Variants in DGKG observed in about 807,000 individuals in gnomAD.
DGKG encodes DAG kinase gamma.
In DGKG, 78 loss-of-function variants were observed where a neutral mutation model predicts 105.3. That is an observed-to-expected ratio of 0.74 (90% CI 0.62 to 0.89). The LOEUF is 0.89. DGKG is among the 40% of genes least tolerant of loss of function. The probability of loss-of-function intolerance (pLI) is 0.00; values close to 1 mark genes in which losing one functional copy is unlikely to be tolerated. For synonymous variants in DGKG, 346 were observed against 367.1 expected, an observed-to-expected ratio of 0.94 and a Z score of 0.66; for missense variants, 958 against 1,020.1, an observed-to-expected ratio of 0.94 and a Z score of 0.83.
intron 5 of DGKG, among the ~76,000 whole-genome samples, chr3:186,296,707 G>C (rs1723581480): frequency 6.6e-6 from 1 of 152,206 alleles, no homozygotes; most frequent in South Asian, 2.1e-4. Flanking sequence ...GACTGCAGGA[G>C]TTTTGAGGTT....
chr3:186,356,992 A>C (rs1355875278), intron 1 of DGKG, among the ~76,000 whole-genome samples: 2 of 152,128 alleles, frequency 1.3e-5, no homozygotes, highest in African/African-American at 4.8e-5. Context: ...CTTTCCTCGC[A>C]GAGGCTCATG....
intron 10 of DGKG, among the ~76,000 whole-genome samples, chr3:186,274,811 A>G (rs1722501180): frequency 6.6e-6 from 1 of 151,968 alleles, no homozygotes; most frequent in African/African-American, 2.4e-5. Flanking sequence ...GGTTGGTTCT[A>G]AGTCTTTGCT....
chr3:186,265,889 C>G (rs777200245), intron 13 of DGKG, among the ~76,000 whole-genome samples: 13 of 151,962 alleles, frequency 8.6e-5, no homozygotes, highest in Non-Finnish European at 1.9e-4. Flanking sequence ...CCAGGATGGT[C>G]TCGATCCCTT....
At chr3:186,254,150 T>C (rs1299647228) in intron 17 of DGKG, among the ~76,000 whole-genome samples, 1 of 152,024 alleles carries the variant, frequency 6.6e-6, no homozygotes, top group Non-Finnish European at 1.5e-5. Flanking sequence ...CCATCAGTCT[T>C]GGGGGTGGGT....
intron 22 of DGKG, among the ~76,000 whole-genome samples, chr3:186,170,969 T>A (rs1490381191): frequency 6.6e-6 from 1 of 152,224 alleles, no homozygotes. Flanking sequence ...TTTGGGAACA[T>A]CTGGAAGCCA....
intron 22 of DGKG, among the ~76,000 whole-genome samples, chr3:186,187,630 A>G (rs1003292931): frequency 6.6e-6 from 1 of 152,196 alleles, no homozygotes; most frequent in Admixed American, 6.5e-5. Flanking sequence ...GAGTAAGCAC[A>G]TGGTATTTAA....
intron 5 of DGKG, among the ~76,000 whole-genome samples, chr3:186,289,890 A>G (rs958234353): frequency 1.2e-4 from 18 of 152,314 alleles, no homozygotes; most frequent in African/African-American, 4.3e-4. Flanking sequence ...ATAACCAAGC[A>G]ATGGGAGTGA....
chr3:186,290,991 A>C (rs139416093), intron 5 of DGKG, among the ~76,000 whole-genome samples: 259 of 152,368 alleles, frequency 1.7e-3, no homozygotes, highest in Non-Finnish European at 2.8e-3. Flanking sequence ...TCATTGATAG[A>C]GTATTCAGAA....
intron 20 of DGKG, among the ~76,000 whole-genome samples, chr3:186,240,551 T>A (rs1051282708): frequency 6.6e-6 from 1 of 152,202 alleles, no homozygotes; most frequent in African/African-American, 2.4e-5. Flanking sequence ...GGCTCAAGTC[T>A]GTAATCCCAG....
At chr3:186,328,326 T>G (rs930775897) in intron 1 of DGKG, among the ~76,000 whole-genome samples, 78 of 152,164 alleles carry the variant, frequency 5.1e-4, no homozygotes, top group Non-Finnish European at 8.5e-4. Context: ...CTATTAATAA[T>G]TAACATACAA....
intron 5 of DGKG, among the ~76,000 whole-genome samples, chr3:186,296,166 A>T (rs1723553286): frequency 6.6e-6 from 1 of 151,906 alleles, no homozygotes; most frequent in African/African-American, 2.4e-5. Flanking sequence ...GGCCTGAATA[A>T]TAAATGCTAA....
At chr3:186,267,365 G>A (rs920254368) in intron 13 of DGKG, among the ~76,000 whole-genome samples, 2 of 152,110 alleles carry the variant, frequency 1.3e-5, no homozygotes, top group Non-Finnish European at 2.9e-5. Flanking sequence ...TCTGTGCAGC[G>A]CTGACCTCTT....
At chr3:186,333,033 C>G (rs1012062579) in intron 1 of DGKG, among the ~76,000 whole-genome samples, 3 of 152,172 alleles carry the variant, frequency 2.0e-5, no homozygotes, top group Admixed American at 2.0e-4. Context: ...CAACCTTGGA[C>G]TTCTCACCCT....
chr3:186,313,058 C>T (rs1486805896), intron 2 of DGKG, among the ~76,000 whole-genome samples: 1 of 152,262 alleles, frequency 6.6e-6, no homozygotes, highest in African/African-American at 2.4e-5. Context: ...ACTTGTCCCA[C>T]ATGTCCTATA....
intron 21 of DGKG, among the ~76,000 whole-genome samples, chr3:186,208,851 ATC>A (rs1461147269): frequency 6.6e-6 from 1 of 152,118 alleles, no homozygotes; most frequent in Non-Finnish European, 1.5e-5. Flanking sequence ...TGTTAGGTAA[ATC>A]TCTGTTTATT....
intron 14 of DGKG, among the ~76,000 whole-genome samples, chr3:186,264,388 C>A (rs761067231): frequency 6.6e-6 from 1 of 152,070 alleles, no homozygotes; most frequent in Non-Finnish European, 1.5e-5. Context: ...CTCAGCCTCC[C>A]GAGTAGCTGG....
At chr3:186,351,498 A>C (rs1438585799) in intron 1 of DGKG, among the ~76,000 whole-genome samples, 1 of 152,196 alleles carries the variant, frequency 6.6e-6, no homozygotes, top group African/African-American at 2.4e-5. Context: ...TTACAAAAGA[A>C]ATCTCTAGGA....
intron 22 of DGKG, among the ~76,000 whole-genome samples, chr3:186,171,206 G>T (rs1716799916): frequency 6.6e-6 from 1 of 152,072 alleles, no homozygotes. Flanking sequence ...CTGTGTTCTT[G>T]TTTTGTTTAT....
In DGKG at chr3:186,345,545, A is replaced by G. The variant is rs558683312; in HGVS notation, c.-249+16401T>C. Among the ~76,000 whole-genome samples the G allele has an allele frequency of 2.0e-5, 3 of 152,252 alleles. No homozygotes were observed. In the South Asian group the frequency reaches 6.2e-4, roughly 32 times the overall value. On this transcript the variant is annotated intron_variant, in intron 1 of 24. Transcript: ENST00000265022. ...GAAGGTGGGTTATTGAAAACTCTGTAACTATTGTCTTCTAAATTTAAGTGT... is the reference window on the plus strand; with the variant it reads ...GAAGGTGGGTTATTGAAAACTCTGTGACTATTGTCTTCTAAATTTAAGTGT...
Sources: allele counts gnomAD v4.1 joint callset (sites outside exome capture counted in the v4.1 genomes callset), GRCh38; gene constraint gnomAD v4.1.1; transcripts MANE v1.5; gene names NCBI Gene and HGNC (gene_info 2026-07-23, HGNC 2026-07-21).